The following GRM6 variants were observed in gnomAD, a reference collection of about 807,000 sequenced individuals.
The protein encoded by GRM6 is glutamate metabotropic receptor 6, also known as metabotropic glutamate receptor 6.
A neutral mutation model predicts 78.4 loss-of-function variants in GRM6; 73 were observed. That is an observed-to-expected ratio of 0.93 (90% CI 0.77 to 1.13). The LOEUF is 1.13. Ranked by LOEUF, GRM6 falls within the 50% of genes most tolerant of loss-of-function variation. GRM6 has a pLI of 0.00. For synonymous variants in GRM6, 580 were observed against 555.0 expected (o/e 1.05, Z -0.63); for missense variants, 1,251 against 1,256.4 (o/e 1.00, Z 0.07).
intron 5 of GRM6, chr5:178,989,862 G>C (rs1760641069): frequency 3.6e-6 from 1 of 279,202 alleles, no homozygotes; most frequent in South Asian, 4.0e-5. Flanking sequence ...GGAATGGACA[G>C]AGCCCAGGGC....
Position 178,994,753 on chromosome 5 carries a change from C to G in GRM6, c.192G>C (p.Gln64His). Residue 64 changes from glutamine to histidine, a missense_variant, in exon 2 of 11, where the codon CAG becomes CAC. By Grantham distance (24) the Gln-to-His change is conservative (BLOSUM62 0). Transcript: ENST00000517717. Reference sequence around the variant, plus strand: ...GCATGGCCTCCAGCCGGTGCACGCCCTGCTCCTTCTTCAGCTGCCCGCACG... The same window carrying G: ...GCATGGCCTCCAGCCGGTGCACGCCGTGCTCCTTCTTCAGCTGCCCGCACG... Reference protein sequence around the residue: ...GRACGQLKKEQGVHRLEAMLY... With the variant: ...GRACGQLKKEHGVHRLEAMLY... 8 of 1,417,096 alleles carry G rather than the reference C, an allele frequency of 5.6e-6. No homozygotes were observed. The highest frequency in any genetic ancestry group is 7.4e-6 in the Non-Finnish European group (8 of 1,081,148). The allele number at this position is 1,417,096 out of a possible 1,614,324, so 87.8% of individuals were successfully genotyped here. A position where few individuals can be genotyped will look rare whatever the true frequency, so the allele number is the denominator to read the frequency against.
rs141553845 is a variant in GRM6, at chr5:178,995,204, C to T, written c.-17+72G>A. 2.0e-3 allele frequency: 352 copies of T among 175,868 alleles called. 1 individual carries two copies. Among genetic ancestry groups the T allele is most frequent in the African/African-American group, 7.7e-3 (326 of 42,154 alleles). The allele number at this position is 175,868 out of a possible 1,614,324, so 10.9% of individuals were successfully genotyped here. On this transcript the variant is annotated intron_variant, in intron 1 of 10. Coordinates refer to ENST00000517717, the MANE Select transcript of GRM6 (RefSeq NM_000843.4). ...TCCACCCCTCCAGCCCTGCCGCTTC[C>T]CGACAGCTTGGCCCCTCTTCCTCGG...
rs896012738 is a variant in GRM6, at chr5:178,989,071, A to T, written c.1218T>A (p.Asp406Glu). The T allele has an allele frequency of 6.2e-7, 1 of 1,614,032 alleles. No individual in the cohort carries two copies. The highest frequency in any genetic ancestry group is 8.5e-7 in the Non-Finnish European group (1 of 1,179,930). ...GGGCGTGGGCAATGGCGTACACCGC[A>T]TCAATCACAAACTGCACCTTGCCCT... Reference protein sequence around the residue: ...EQEGKVQFVIDAVYAIAHALH... With the variant: ...EQEGKVQFVIEAVYAIAHALH... Residue 406 changes from aspartate (D) to glutamate (E), a missense_variant, in exon 7 of 11, where the codon GAT becomes GAA. By Grantham distance (45) the Asp-to-Glu change is conservative. Coordinates refer to ENST00000517717, the MANE Select transcript of GRM6 (RefSeq NM_000843.4).
Position 178,991,176 on chromosome 5 carries a change from C to T in GRM6, c.857+248G>A, listed in dbSNP as rs1209393492. ...GGTTCTGCCCACAGGTCCCTCCCCGCACCCCCAGGAGCTGTAAACACAGAC... is the reference window on the plus strand; with the variant it reads ...GGTTCTGCCCACAGGTCCCTCCCCGTACCCCCAGGAGCTGTAAACACAGAC... On this transcript the variant is annotated intron_variant, in intron 4 of 10. Coordinates refer to ENST00000517717, the MANE Select transcript of GRM6 (RefSeq NM_000843.4). This position sits in a 1 kb window ranked among gnomAD's most constrained non-coding sequence, Gnocchi z 5.0. 6.6e-6 allele frequency among the ~76,000 whole-genome samples: 1 copy of T among 152,138 alleles called. No individual in the cohort carries two copies. The highest frequency in any genetic ancestry group is 1.5e-5 in the Non-Finnish European group (1 of 68,024).
In GRM6 at chr5:178,981,481, C is replaced by T. The variant is rs940779296; in HGVS notation, c.*176G>A. 5.2e-5 allele frequency: 31 copies of T among 595,552 alleles called. No homozygotes were observed. The highest frequency in any genetic ancestry group is 4.4e-4 in the Middle Eastern group (1 of 2,248). The allele number at this position is 595,552 out of a possible 1,614,324, so 36.9% of individuals were successfully genotyped here. A position where few individuals can be genotyped will look rare whatever the true frequency, so the allele number is the denominator to read the frequency against. ...AAGCATGAAGCTCACATGCTGGAATCGGGGTAGAGCTGGGTCCAGTTCCTT... is the reference window on the plus strand; with the variant it reads ...AAGCATGAAGCTCACATGCTGGAATTGGGGTAGAGCTGGGTCCAGTTCCTT... On this transcript the variant is annotated 3_prime_UTR_variant, in exon 11 of 11. Coordinates refer to ENST00000517717, the MANE Select transcript of GRM6 (RefSeq NM_000843.4). This position sits in a 1 kb window ranked among gnomAD's most constrained non-coding sequence, Gnocchi z 5.1.
In GRM6 at chr5:178,992,450, C is replaced by T; in HGVS notation, c.505-367G>A. 5.1e-6 allele frequency: 2 copies of T among 389,882 alleles called. No homozygotes were observed. The highest frequency in any genetic ancestry group is 2.0e-5 in the South Asian group (1 of 49,472). The allele number at this position is 389,882 out of a possible 1,614,324, so 24.2% of individuals were successfully genotyped here. A position where few individuals can be genotyped will look rare whatever the true frequency, so the allele number is the denominator to read the frequency against. Reference sequence around the variant, plus strand: ...GCTGCATCTGCCTGTCCTAGTCAGGCCCAGGGCAAAGCACGTTTTCTTGAT... The same window carrying T: ...GCTGCATCTGCCTGTCCTAGTCAGGTCCAGGGCAAAGCACGTTTTCTTGAT... On this transcript the variant is annotated intron_variant, in intron 2 of 10. Transcript: ENST00000517717. The surrounding 1 kb of genome is among the most constrained non-coding windows in gnomAD (Gnocchi z 4.9).
At chr5:178,990,845 A>G in intron 4 of GRM6, 99 bp from the exon 5 acceptor site, 1 of 987,532 alleles carries the variant, frequency 1.0e-6, no homozygotes, top group Non-Finnish European at 1.5e-6. Flanking sequence ...CTCTATAATC[A>G]CTCACCAGAT....
chr5:178,981,662 TGTG>T lies in GRM6; in HGVS notation c.2626_2628del (p.His876del). ...TCCCGTTCCCACCTGCCCTGCTACT[TGTG>T]GGCCTCTGCATCCTCGCCCTTGGGT... On this transcript the variant is annotated inframe_deletion, in exon 11 of 11. Transcript: ENST00000517717. This position sits in a 1 kb window ranked among gnomAD's most constrained non-coding sequence, Gnocchi z 5.1. The T allele has an allele frequency of 6.2e-7, 1 of 1,612,858 alleles. No homozygotes were observed. Among genetic ancestry groups the T allele is most frequent in the Non-Finnish European group, 8.5e-7 (1 of 1,178,874 alleles).
rs1760631447 is a variant in GRM6, at chr5:178,989,350, C to G, written c.1068G>C (p.Trp356Cys). Reference sequence around the variant, plus strand: ...AATTCTCTTCCCAGAACTCGGCGAACCAGATGTTCCTGCGGTTGTTCTCCA... The same window carrying G: ...AATTCTCTTCCCAGAACTCGGCGAAGCAGATGTTCCTGCGGTTGTTCTCCA... ...RSLENNRRNI[W>C]FAEFWEENFN... The change falls in exon 6 of 11, where the codon TGG becomes TGC. Residue 356 changes from tryptophan to cysteine, a missense_variant. By Grantham distance (215) the Trp-to-Cys change is radical. Coordinates refer to ENST00000517717, the MANE Select transcript of GRM6 (RefSeq NM_000843.4). 1 of 1,613,854 alleles carries G rather than the reference C, an allele frequency of 6.2e-7. No homozygotes were observed. The highest frequency in any genetic ancestry group is 8.5e-7 in the Non-Finnish European group (1 of 1,179,932).
rs191142743 is a variant in GRM6, at chr5:178,994,873, C to G, written c.72G>C (p.Ala24=). Residue 24 remains alanine (A), a synonymous_variant, in exon 2 of 11, where the codon GCG becomes GCC. Coordinates refer to ENST00000517717, the MANE Select transcript of GRM6 (RefSeq NM_000843.4). ...CAGAGCCCGCCGCGCGCGCCAGGCC[C>G]GCCTGCGCCAGCCACGCCAGCGGCA... ...ALLPLAWLAQ[A]GLARAAGSVR... 4 of 1,205,586 alleles carry G rather than the reference C, an allele frequency of 3.3e-6. No individual in the cohort carries two copies. The African/African-American group carries it at 6.5e-5, about 20-fold the overall frequency. The allele number at this position is 1,205,586 out of a possible 1,614,324, so 74.7% of individuals were successfully genotyped here.
At chr5:178,987,407 C>T in intron 7 of GRM6, 1 of 459,814 alleles carries the variant, frequency 2.2e-6, no homozygotes, top group South Asian at 1.5e-5. Flanking sequence ...TGAAAGCAAC[C>T]CGAGCGTCCA....
intron 10 of GRM6, among the ~76,000 whole-genome samples, chr5:178,982,486 G>C (rs938240830): frequency 1.4e-5 from 2 of 146,912 alleles, no homozygotes; most frequent in Non-Finnish European, 3.0e-5. Context: ...GCTGAGGCTG[G>C]AGAATCACTT....
Position 178,978,783 on chromosome 5 carries a change from C to T in GRM6, c.*2874G>A, listed in dbSNP as rs559492933. On this transcript the variant is annotated 3_prime_UTR_variant, in exon 11 of 11. Transcript: ENST00000517717. ...CCTTCGGTGCAGGTCAGCTCTCACT[C>T]GACATAAGAGAAACCACACTGGAAG... 4.6e-5 allele frequency: 7 copies of T among 152,254 alleles called. No individual in the cohort carries two copies. The highest frequency in any genetic ancestry group is 2.1e-4 in the South Asian group (1 of 4,820). 9.4% of individuals were successfully genotyped at this position (152,254 alleles called of 1,614,324 possible).
chr5:178,979,615 C>T lies in GRM6; in HGVS notation c.*2042G>A, dbSNP rs1760348940. 6.6e-6 allele frequency: 1 copy of T among 152,238 alleles called. No homozygotes were observed. The highest frequency in any genetic ancestry group is 2.1e-4 in the South Asian group (1 of 4,834). 9.4% of individuals were successfully genotyped at this position (152,238 alleles called of 1,614,324 possible). A position where few individuals can be genotyped will look rare whatever the true frequency, so the allele number is the denominator to read the frequency against. Reference sequence around the variant, plus strand: ...AGAAACTTCACACTGGGGAGAAATCCTCAGTGCAATCAGTGTAGAAATGCC... The same window carrying T: ...AGAAACTTCACACTGGGGAGAAATCTTCAGTGCAATCAGTGTAGAAATGCC... On this transcript the variant is annotated 3_prime_UTR_variant, in exon 11 of 11. Coordinates refer to ENST00000517717, the MANE Select transcript of GRM6 (RefSeq NM_000843.4).
In GRM6 at chr5:178,994,964, C is replaced by A; in HGVS notation, c.-16-4G>T. The A allele has an allele frequency of 8.7e-7, 1 of 1,153,048 alleles. No homozygotes were observed. The highest frequency in any genetic ancestry group is 1.1e-6 in the Non-Finnish European group (1 of 936,860). 71.4% of individuals were successfully genotyped at this position (1,153,048 alleles called of 1,614,324 possible). A position where few individuals can be genotyped will look rare whatever the true frequency, so the allele number is the denominator to read the frequency against. On this transcript the variant is annotated splice_polypyrimidine_tract_variant and splice_region_variant and intron_variant, in intron 1 of 10. Transcript: ENST00000517717. ...CGCCATCGGCTCGTCTAGCGGGCTG[C>A]GGGGAGACAGAGGGGCGGGGAGCGC...
chr5:178,986,326 GC>G lies in GRM6; in HGVS notation c.1927del (p.Ala643LeufsTer70). The G allele has an allele frequency of 6.2e-7, 1 of 1,614,124 alleles. No homozygotes were observed. Among genetic ancestry groups the G allele is most frequent in the Non-Finnish European group, 8.5e-7 (1 of 1,180,016 alleles). On this transcript the variant is annotated frameshift_variant, in exon 9 of 11. Transcript: ENST00000517717. LOFTEE classifies it high-confidence loss of function. The stretch of plus-strand genomic sequence containing the variant: ...GGCACAGACCGCGGCCCCAGGCTCA[GC>G]CACCATGAGGAAGGTGATGGCGTAG... Reference protein sequence around the residue: ...LIYAITFLMVAEPGAAVCAAR... With the variant: ...LIYAITFLMVXEPGAAVCAAR...
In GRM6 at chr5:178,992,906, GGAGAGAGGGA is replaced by G. The variant is rs1760707249; in HGVS notation, c.505-833_505-824del. Among the ~76,000 whole-genome samples the G allele has an allele frequency of 1.3e-5, 2 of 151,816 alleles. 1 individual carries two copies. The highest frequency in any genetic ancestry group is 4.2e-4 in the South Asian group (2 of 4,810). On this transcript the variant is annotated intron_variant, in intron 2 of 10. Transcript: ENST00000517717. This position sits in a 1 kb window ranked among gnomAD's most constrained non-coding sequence, Gnocchi z 4.9. The stretch of plus-strand genomic sequence containing the variant: ...AGGTGGGGCTGGAGAGAAACAAGAA[GGAGAGAGGGA>G]GAGAGAGAGAGAGAAACAACTGAGG...
intron 9 of GRM6, chr5:178,985,678 G>T: frequency 2.5e-6 from 1 of 405,664 alleles, no homozygotes; most frequent in Non-Finnish European, 4.8e-6. Flanking sequence ...ACTCCAGCCT[G>T]GGCGACACAG....
rs897596691 is a variant in GRM6 at position 178,981,318 on chromosome 5, C to T, written c.*339G>A. The T allele has an allele frequency of 3.0e-4, 85 of 287,742 alleles. No homozygotes were observed. The highest frequency in any genetic ancestry group is 1.5e-4 in the Non-Finnish European group (22 of 150,330). 17.8% of individuals were successfully genotyped at this position (287,742 alleles called of 1,614,324 possible). A position where few individuals can be genotyped will look rare whatever the true frequency, so the allele number is the denominator to read the frequency against. On this transcript the variant is annotated 3_prime_UTR_variant, in exon 11 of 11. Coordinates refer to ENST00000517717, the MANE Select transcript of GRM6 (RefSeq NM_000843.4). The surrounding 1 kb of genome is among the most constrained non-coding windows in gnomAD (Gnocchi z 5.1). The stretch of plus-strand genomic sequence containing the variant: ...GGTTGACTGAGGGGAGGAAATCTCC[C>T]GCAAACCAGGCAAAGCCCAGGGCTT...
Sources: allele counts gnomAD v4.1 joint callset (sites outside exome capture counted in the v4.1 genomes callset), GRCh38; gene constraint gnomAD v4.1.1; non-coding constraint Gnocchi (gnomAD v3.1); transcripts MANE v1.5; gene names NCBI Gene and HGNC (gene_info 2026-07-23, HGNC 2026-07-21).